OPRM1: variants seen among roughly 807,000 people sequenced by gnomAD.
The protein encoded by OPRM1 is mu-type opioid receptor.
OPRM1 carries 27 observed loss-of-function variants against 31.8 expected under a neutral mutation model. The ratio of observed to expected loss-of-function variants is 0.85; its 90% CI spans 0.63 to 1.17. The LOEUF is 1.17. Ranked by LOEUF, OPRM1 falls within the 50% of genes most tolerant of loss-of-function variation. OPRM1 has a pLI of 0.00. For synonymous variants in OPRM1, 196 were observed against 189.9 expected (o/e 1.03, Z -0.26); for missense variants, 536 against 511.1 (o/e 1.05, Z -0.47).
chr6:154,226,849 C>G (rs1583848566), intron 3 of OPRM1, among the ~76,000 whole-genome samples: 1 of 152,182 alleles, frequency 6.6e-6, no homozygotes, highest in East Asian at 1.9e-4. Context: ...AATTTCATCT[C>G]TCCCCCTCCC....
chr6:154,167,562 TTGA>T (rs1427570079), intron 3 of OPRM1, among the ~76,000 whole-genome samples: 1 of 152,230 alleles, frequency 6.6e-6, no homozygotes, highest in African/African-American at 2.4e-5. Context: ...TTCTCACCAG[TTGA>T]TGATCTCTGT....
chr6:154,080,044 T>G (rs1788744974), intron 1 of OPRM1, among the ~76,000 whole-genome samples: 1 of 152,246 alleles, frequency 6.6e-6, no homozygotes, highest in East Asian at 1.9e-4. Context: ...GCATGGTTAA[T>G]GAAAAATTTA....
At chr6:154,199,926 C>T (rs970587519) in intron 3 of OPRM1, 1 of 1,614,160 alleles carries the variant, frequency 6.2e-7, no homozygotes, top group Admixed American at 1.7e-5. Context: ...GATTGTCTCT[C>T]TTTAGATAAG....
intron 3 of OPRM1, among the ~76,000 whole-genome samples, chr6:154,165,845 G>C (rs534943505): frequency 6.6e-6 from 1 of 152,352 alleles, no homozygotes; most frequent in South Asian, 2.1e-4. Flanking sequence ...CAGTTTCCAA[G>C]TTGTGACCTG....
At chr6:154,134,367 T>G (rs1219899648), downstream of OPRM1, among the ~76,000 whole-genome samples, 2 of 152,200 alleles carry the variant, frequency 1.3e-5, no homozygotes, top group Admixed American at 1.3e-4. Context: ...GCATCGACAT[T>G]CAATCCAAGA....
At chr6:154,190,400 G>A (rs9478515) in intron 3 of OPRM1, among the ~76,000 whole-genome samples, 13 of 152,008 alleles carry the variant, frequency 8.6e-5, no homozygotes, top group South Asian at 2.1e-4. Context: ...GCAAAAAAGC[G>A]TATGAAAAGA....
intron 3 of OPRM1, among the ~76,000 whole-genome samples, chr6:154,118,145 T>C (rs1426346298): frequency 6.6e-6 from 1 of 152,182 alleles, no homozygotes; most frequent in Non-Finnish European, 1.5e-5. Context: ...GCAAATGTTA[T>C]TGTTCAACAC....
chr6:154,171,019 T>G (rs1030560052), intron 3 of OPRM1, among the ~76,000 whole-genome samples: 1 of 152,186 alleles, frequency 6.6e-6, no homozygotes, highest in Non-Finnish European at 1.5e-5. Flanking sequence ...TACAGGTGCA[T>G]GCCACCATGC....
intron 3 of OPRM1, among the ~76,000 whole-genome samples, chr6:154,236,039 G>A (rs1048771337): frequency 1.3e-5 from 2 of 152,162 alleles, no homozygotes; most frequent in African/African-American, 4.8e-5. Context: ...ATATGATCCA[G>A]CAATTCCACC....
intron 3 of OPRM1, among the ~76,000 whole-genome samples, chr6:154,195,815 G>A (rs183066297): frequency 2.1e-5 from 3 of 144,264 alleles, no homozygotes; most frequent in East Asian, 2.0e-4. Flanking sequence ...TTTTTGAAAC[G>A]GAGTCTTGCT....
intron 1 of OPRM1, among the ~76,000 whole-genome samples, chr6:154,052,702 A>C (rs1009161896): frequency 2.0e-5 from 3 of 152,252 alleles, no homozygotes; most frequent in Non-Finnish European, 4.4e-5. Context: ...TGCAGTGGTC[A>C]TGAAATAGGA....
chr6:154,089,797 A>C (rs374691791), intron 1 of OPRM1, 29 bp from the exon 2 acceptor site: 1 of 1,496,496 alleles, frequency 6.7e-7, no homozygotes, highest in Admixed American at 1.8e-5. Flanking sequence ...TCTTTTACTG[A>C]TTCTCACTCT....
intron 1 of OPRM1, among the ~76,000 whole-genome samples, chr6:154,049,999 G>A (rs1781881222): frequency 6.6e-6 from 1 of 152,080 alleles, no homozygotes; most frequent in South Asian, 2.1e-4. Flanking sequence ...TTTGGCATCA[G>A]GGTAATACTG....
chr6:154,078,141 T>G (rs1309358565), intron 1 of OPRM1, among the ~76,000 whole-genome samples: 7 of 152,196 alleles, frequency 4.6e-5, no homozygotes, highest in African/African-American at 7.2e-5. Context: ...CTAGTCCCTC[T>G]TCTCTTCTGT....
At chr6:154,011,668 T>TTTA (rs1777736504) in intron 1 of OPRM1, among the ~76,000 whole-genome samples, 1 of 152,134 alleles carries the variant, frequency 6.6e-6, no homozygotes, top group South Asian at 2.1e-4. Context: ...GATGTCACAG[T>TTTA]TTTCCACTTT....
intron 3 of OPRM1, among the ~76,000 whole-genome samples, chr6:154,183,781 G>A (rs1447223800): frequency 5.3e-5 from 8 of 151,848 alleles, no homozygotes; most frequent in South Asian, 2.1e-4. Flanking sequence ...CTCTAGCTAC[G>A]TGGGAGGCTG....
intron 3 of OPRM1, among the ~76,000 whole-genome samples, chr6:154,112,751 TTAAA>T (rs1796483853): frequency 6.6e-6 from 1 of 152,194 alleles, no homozygotes; most frequent in Non-Finnish European, 1.5e-5. Flanking sequence ...TTGGCTGAAC[TTAAA>T]TTTTTATACG....
chr6:154,122,952 T>C lies in OPRM1; in HGVS notation c.*4231T>C, dbSNP rs146746413. Among the ~76,000 whole-genome samples, 18 of 152,276 alleles carry C rather than the reference T, an allele frequency of 1.2e-4. No individual in the cohort carries two copies. The highest frequency in any genetic ancestry group is 4.1e-4 in the African/African-American group (17 of 41,556). On this transcript the variant is annotated 3_prime_UTR_variant, in exon 4 of 4. Coordinates refer to ENST00000330432, the MANE Select transcript of OPRM1 (RefSeq NM_000914.5). ...AATGGTCTCATTGTCTAAGGTGTTA[T>C]CCGAGCTCGTTGTCTCACAACCAAG...
intron 3 of OPRM1, among the ~76,000 whole-genome samples, chr6:154,144,967 T>C (rs1325320977): frequency 6.6e-6 from 1 of 151,976 alleles, no homozygotes; most frequent in East Asian, 1.9e-4. Flanking sequence ...TAAGAATAGA[T>C]GGCAATAGGA....
Sources: allele counts gnomAD v4.1 joint callset (sites outside exome capture counted in the v4.1 genomes callset), GRCh38; gene constraint gnomAD v4.1.1; transcripts MANE v1.5; gene names NCBI Gene and HGNC (gene_info 2026-07-23, HGNC 2026-07-21).